Variants in TEX26 observed in about 807,000 individuals in gnomAD.
TEX26 encodes testis-expressed protein 26.
Under a neutral mutation model 35.3 loss-of-function variants are expected in TEX26, and 34 were observed. The ratio of observed to expected loss-of-function variants is 0.96; its 90% confidence interval spans 0.73 to 1.28. The LOEUF (loss-of-function observed/expected upper bound fraction) is 1.28, where lower values mean the gene tolerates loss of function less well. Ranked by LOEUF, TEX26 falls within the 50% of genes most tolerant of loss-of-function variation. The pLI is 0.00. For missense variants in TEX26, 371 were observed against 330.1 expected, an observed-to-expected ratio of 1.12 and a Z score of -0.96; for synonymous variants, 136 against 111.8, an observed-to-expected ratio of 1.22 and a Z score of -1.36.
intron 2 of TEX26, among the ~76,000 whole-genome samples, chr13:30,941,882 C>T (rs1054886038): frequency 1.3e-5 from 2 of 152,018 alleles, no homozygotes; most frequent in African/African-American, 2.4e-5. Context: ...TATATATATA[C>T]ACACCACTTT....
chr13:30,944,842 A>G (rs1226901562), intron 2 of TEX26, among the ~76,000 whole-genome samples: 2 of 151,990 alleles, frequency 1.3e-5, no homozygotes, highest in African/African-American at 4.8e-5. Flanking sequence ...AAATTTATTG[A>G]GACTTGTTTT....
At chr13:30,963,296 G>A (rs1193080581) in intron 4 of TEX26, among the ~76,000 whole-genome samples, 1 of 152,150 alleles carries the variant, frequency 6.6e-6, no homozygotes, top group Admixed American at 6.5e-5. Flanking sequence ...TGAGGAACAG[G>A]AACCCTGGGG....
chr13:30,958,132 A>G (rs1954205577), intron 4 of TEX26, among the ~76,000 whole-genome samples: 1 of 152,156 alleles, frequency 6.6e-6, no homozygotes, highest in Admixed American at 6.5e-5. Context: ...CTCTGCCCTT[A>G]GGGCTCTGTG....
chr13:30,964,913 C>G (rs1954474642), intron 4 of TEX26, among the ~76,000 whole-genome samples: 1 of 152,168 alleles, frequency 6.6e-6, no homozygotes, highest in South Asian at 2.1e-4. Context: ...ACCCAAACAC[C>G]TCCCATTAGG....
chr13:30,952,537 C>T (rs1268809975), intron 2 of TEX26, 123 bp from the exon 3 acceptor site: 1 of 754,494 alleles, frequency 1.3e-6, no homozygotes, highest in African/African-American at 1.8e-5. Flanking sequence ...TTATTTCTGG[C>T]ACCAACTCTT....
At position 30,969,755 on chromosome 13, in the gene TEX26, A is replaced by C. The variant is rs1186352951; in HGVS notation, c.808+709A>C. Among the ~76,000 whole-genome samples the C allele has an allele frequency of 2.6e-5, 4 of 152,314 alleles. No homozygotes were observed. The South Asian group carries it at 6.2e-4, about 24-fold the overall frequency. ...AGTACATCACCCAGTGCAGATGTAAAAATTTATATAAAATATATTCATATG... is the reference window on the plus strand; with the variant it reads ...AGTACATCACCCAGTGCAGATGTAACAATTTATATAAAATATATTCATATG... On this transcript the variant is annotated intron_variant, in intron 6 of 6. Coordinates refer to ENST00000380473, the MANE Select transcript of TEX26 (RefSeq NM_152325.3).
At chr13:30,963,901 C>G (rs571860305) in intron 4 of TEX26, among the ~76,000 whole-genome samples, 2 of 152,122 alleles carry the variant, frequency 1.3e-5, no homozygotes, top group Admixed American at 6.5e-5. Context: ...ACCTCTATGC[C>G]GGTCCATCAT....
intron 2 of TEX26, among the ~76,000 whole-genome samples, chr13:30,945,256 G>A (rs1953661142): frequency 6.6e-6 from 1 of 151,704 alleles, no homozygotes; most frequent in Non-Finnish European, 1.5e-5. Flanking sequence ...TCTGATATAA[G>A]AATAGCTACT....
At chr13:30,972,137 C>G (rs1330004453) in intron 6 of TEX26, among the ~76,000 whole-genome samples, 1 of 152,148 alleles carries the variant, frequency 6.6e-6, no homozygotes, top group African/African-American at 2.4e-5. Flanking sequence ...GTGAGGGGTA[C>G]TCCCAACCCT....
rs1307752841 is a variant in TEX26, at chr13:30,974,956, C to T, written c.*49C>T. On this transcript the variant is annotated 3_prime_UTR_variant, in exon 7 of 7. Transcript: ENST00000380473. Reference sequence around the variant, plus strand: ...GAAAATCTGAAAATCAATGGAAGCACGAGGACATTCCTAGTCATTTTCTCA... The same window carrying T: ...GAAAATCTGAAAATCAATGGAAGCATGAGGACATTCCTAGTCATTTTCTCA... 29 of 1,274,002 alleles carry T rather than the reference C, an allele frequency of 2.3e-5. No individual in the cohort carries two copies. The highest frequency in any genetic ancestry group is 5.2e-5 in the East Asian group (2 of 38,248). The allele number at this position is 1,274,002 out of a possible 1,614,324, so 78.9% of individuals were successfully genotyped here.
At chr13:30,955,433 T>C (rs1479218934) in intron 3 of TEX26, among the ~76,000 whole-genome samples, 2 of 152,234 alleles carry the variant, frequency 1.3e-5, no homozygotes, top group Admixed American at 6.5e-5. Context: ...GCTTCTTCAA[T>C]AGATAAATCA....
intron 1 of TEX26, among the ~76,000 whole-genome samples, chr13:30,937,786 G>T (rs1465416644): frequency 6.6e-6 from 1 of 152,142 alleles, no homozygotes; most frequent in Non-Finnish European, 1.5e-5. Flanking sequence ...TTAAGTGGAG[G>T]TAGAACTTCA....
chr13:30,945,015 T>A (rs557657150), intron 2 of TEX26, among the ~76,000 whole-genome samples: 2 of 152,068 alleles, frequency 1.3e-5, no homozygotes, highest in Non-Finnish European at 2.9e-5. Context: ...TCTGTCTCAA[T>A]GATCTGTCTA....
At position 30,975,172 on chromosome 13, in the gene TEX26, G is replaced by T. The variant is rs1954840765; in HGVS notation, c.*265G>T. 4.3e-6 allele frequency: 1 copy of T among 233,424 alleles called. No homozygotes were observed. Among genetic ancestry groups the T allele is most frequent in the Non-Finnish European group, 8.2e-6 (1 of 121,810 alleles). 14.5% of individuals were successfully genotyped at this position (233,424 alleles called of 1,614,324 possible). ...CTTTTCCCTTTTGGATACTTAATTT[G>T]TAGTTTCAATTTTGATTTCTCCTGT... On this transcript the variant is annotated 3_prime_UTR_variant, in exon 7 of 7. Transcript: ENST00000380473.
chr13:30,936,772 A>G (rs1327624088), intron 1 of TEX26: 1 of 985,430 alleles, frequency 1.0e-6, no homozygotes, highest in East Asian at 1.1e-4. Flanking sequence ...AAGAATTAGG[A>G]AGACGTAATC....
intron 3 of TEX26, 33 bp downstream of exon 3, chr13:30,952,858 A>C (rs1434224057): frequency 7.0e-6 from 11 of 1,574,026 alleles, no homozygotes; most frequent in African/African-American, 1.4e-5. Flanking sequence ...GTTGAATTTA[A>C]TACTGTACTG....
Position 30,969,101 on chromosome 13 carries a change from A to G in TEX26, c.808+55A>G, listed in dbSNP as rs904368427. On this transcript the variant is annotated intron_variant, in intron 6 of 6. Coordinates refer to ENST00000380473, the MANE Select transcript of TEX26 (RefSeq NM_152325.3). The stretch of plus-strand genomic sequence containing the variant: ...CAGATCACAATACATTGCTTTTGCC[A>G]AATAGAAACTGTTCCAAGTTCTAGC... 4.5e-5 allele frequency: 66 copies of G among 1,482,860 alleles called. No individual in the cohort carries two copies. In the African/African-American group the frequency reaches 9.0e-4, roughly 20 times the overall value. 91.9% of individuals were successfully genotyped at this position (1,482,860 alleles called of 1,614,324 possible).
At chr13:30,955,555 T>C (rs1954096493) in intron 3 of TEX26, among the ~76,000 whole-genome samples, 1 of 152,240 alleles carries the variant, frequency 6.6e-6, no homozygotes, top group Non-Finnish European at 1.5e-5. Flanking sequence ...ACAGCGAGTA[T>C]ACCTAACTAT....
intron 2 of TEX26, among the ~76,000 whole-genome samples, chr13:30,949,756 T>A (rs967331378): frequency 6.6e-6 from 1 of 152,104 alleles, no homozygotes; most frequent in African/African-American, 2.4e-5. Flanking sequence ...TTCTCATGTA[T>A]ATAGAATTCT....
Sources: allele counts gnomAD v4.1 joint callset (sites outside exome capture counted in the v4.1 genomes callset), GRCh38; gene constraint gnomAD v4.1.1; transcripts MANE v1.5; gene names NCBI Gene and HGNC (gene_info 2026-07-23, HGNC 2026-07-21).